The following DDX43 variants were observed in gnomAD, a reference collection of about 807,000 sequenced individuals.
The protein encoded by DDX43 is DEAD-box helicase 43.
In DDX43, 50 loss-of-function variants were observed where a neutral mutation model predicts 84.9. That is an observed-to-expected ratio of 0.59 (90% confidence interval 0.47 to 0.75). The LOEUF is 0.75. DDX43 is among the 30% of genes least tolerant of loss of function. The probability of loss-of-function intolerance (pLI) is 0.00; values close to 1 mark genes in which losing one functional copy is unlikely to be tolerated. For synonymous variants in DDX43, 291 were observed against 266.3 expected (o/e 1.09, Z -0.90); for missense variants, 689 against 798.6 (o/e 0.86, Z 1.65).
rs546574050 is a variant in DDX43, at chr6:73,415,300, A to AAAAT, written c.1746-174_1746-171dup. ...GCAACAGTGCAAGACTCCATCTCAA[A>AAAAT]AAATAAATAAATAAATAAATAAATA... On this transcript the variant is annotated intron_variant, in intron 14 of 16. Coordinates refer to ENST00000370336, the MANE Select transcript of DDX43 (RefSeq NM_018665.3). Among the ~76,000 whole-genome samples, 191 of 152,126 alleles carry AAAAT rather than the reference A, an allele frequency of 1.3e-3. 1 individual carries two copies. Among genetic ancestry groups the AAAAT allele is most frequent in the Middle Eastern group, 6.8e-3 (2 of 294 alleles).
Position 73,395,104 on chromosome 6 carries a change from G to C in DDX43, c.199G>C (p.Glu67Gln). The C allele has an allele frequency of 1.2e-6, 2 of 1,614,152 alleles. No homozygotes were observed. Reference sequence around the variant, plus strand: ...GGAGGCCGTGGCCGCTGGTCACGAGGAACTGCCGCTGTGTTTTGCTTTGAA... The same window carrying C: ...GGAGGCCGTGGCCGCTGGTCACGAGCAACTGCCGCTGTGTTTTGCTTTGAA... ...PPEAVAAGHE[E>Q]LPLCFALKSH... is the part of the protein sequence containing the mutation. The change falls in exon 1 of 17, where the codon GAA becomes CAA. Residue 67 changes from glutamate (E) to glutamine (Q), a missense_variant. Transcript: ENST00000370336.
chr6:73,415,634 C>T, intron 15 of DDX43, 50 bp downstream of exon 15: 1 of 1,349,224 alleles, frequency 7.4e-7, no homozygotes. Context: ...GTATCTCAGT[C>T]AGTTATGCCG....
Position 73,395,028 on chromosome 6 carries a change from G to C in DDX43, c.123G>C (p.Glu41Asp). 6.2e-7 allele frequency: 1 copy of C among 1,614,270 alleles called. No individual in the cohort carries two copies. The highest frequency in any genetic ancestry group is 1.3e-5 in the African/African-American group (1 of 75,078). ...AGGAGTTGAATCGAACAGGTCCTGA[G>C]GGATATAGTGTCGGCAGAGGTGGTC... is the stretch of plus-strand genomic sequence containing the variant. ...PAEELNRTGPEGYSVGRGGRW... is the reference protein window; with the variant it reads ...PAEELNRTGPDGYSVGRGGRW... Residue 41 changes from glutamate to aspartate, a missense_variant, in exon 1 of 17, where the codon GAG becomes GAC. By Grantham distance (45) the Glu-to-Asp change is conservative. This residue lies in a region of DDX43 where 137 missense variants were observed against 105.9 expected (regional missense o/e 1.29). Transcript: ENST00000370336.
In DDX43 at chr6:73,412,296, A is replaced by G; in HGVS notation, c.1368+4A>G. On this transcript the variant is annotated splice_donor_region_variant and intron_variant, in intron 11 of 16. Coordinates refer to ENST00000370336, the MANE Select transcript of DDX43 (RefSeq NM_018665.3). ...TGTTGGTACATTGGATCTAGTTGTAAGCTTTTTTTTATTACTATTGTTTAA... is the reference window on the plus strand; with the variant it reads ...TGTTGGTACATTGGATCTAGTTGTAGGCTTTTTTTTATTACTATTGTTTAA... 1 of 1,602,878 alleles carries G rather than the reference A, an allele frequency of 6.2e-7. No individual in the cohort carries two copies. Among genetic ancestry groups the G allele is most frequent in the Non-Finnish European group, 8.5e-7 (1 of 1,175,678 alleles).
intron 11 of DDX43, among the ~76,000 whole-genome samples, chr6:73,412,638 A>T (rs1431939825): frequency 1.2e-4 from 7 of 59,700 alleles, no homozygotes; most frequent in African/African-American, 3.3e-4. Flanking sequence ...ATATATATAT[A>T]GTGTGTGTGT....
intron 1 of DDX43, among the ~76,000 whole-genome samples, chr6:73,396,838 C>T (rs760528060): frequency 2.6e-5 from 4 of 152,150 alleles, no homozygotes; most frequent in Non-Finnish European, 4.4e-5. Flanking sequence ...TTGTAATTGG[C>T]TCATTTCTCT....
At chr6:73,404,482 G>T (rs1272717147) in intron 4 of DDX43, among the ~76,000 whole-genome samples, 1 of 152,208 alleles carries the variant, frequency 6.6e-6, no homozygotes, top group Non-Finnish European at 1.5e-5. Context: ...GCCTCTCAAA[G>T]TGCTGGGATT....
rs74629790 is a variant in DDX43 at position 73,412,369 on chromosome 6, C to G, written c.1368+77C>G. ...GATAGCTAATTTTGGTGTGCCTAGTCTGCCCACTCCCCAATTTTAGGGCAA... is the reference window on the plus strand; with the variant it reads ...GATAGCTAATTTTGGTGTGCCTAGTGTGCCCACTCCCCAATTTTAGGGCAA... On this transcript the variant is annotated intron_variant, in intron 11 of 16. Transcript: ENST00000370336. 0.02 allele frequency: 22,366 copies of G among 1,138,452 alleles called. 2,011 individuals carry two copies. In the Admixed American group the frequency reaches 0.21, roughly 11 times the overall value. The allele number at this position is 1,138,452 out of a possible 1,614,324, so 70.5% of individuals were successfully genotyped here. A position where few individuals can be genotyped will look rare whatever the true frequency, so the allele number is the denominator to read the frequency against.
At chr6:73,412,729 G>A (rs774455761) in intron 11 of DDX43, among the ~76,000 whole-genome samples, 2 of 5,024 alleles carry the variant, frequency 4.0e-4, no homozygotes, top group South Asian at 4.9e-3. Context: ...GATATATAGC[G>A]TGTGTGTGTG....
chr6:73,408,249 A>C, intron 9 of DDX43, 148 bp downstream of exon 9: 2 of 684,380 alleles, frequency 2.9e-6, no homozygotes, highest in Non-Finnish European at 4.8e-6. Flanking sequence ...AACCTGACCA[A>C]TATGATGAAA....
chr6:73,395,380 G>T (rs950760948), intron 1 of DDX43, among the ~76,000 whole-genome samples: 2 of 152,108 alleles, frequency 1.3e-5, no homozygotes, highest in Non-Finnish European at 2.9e-5. Flanking sequence ...CGAGGCGGGC[G>T]GATCACCCCA....
At chr6:73,400,472 A>T in intron 3 of DDX43, 109 bp downstream of exon 3, 1 of 1,029,720 alleles carries the variant, frequency 9.7e-7, no homozygotes, top group Non-Finnish European at 1.3e-6. Flanking sequence ...AGGCTGCCAT[A>T]AATGCAGTCT....
chr6:73,409,836 G>A (rs1769752348), intron 10 of DDX43, among the ~76,000 whole-genome samples: 1 of 152,116 alleles, frequency 6.6e-6, no homozygotes, highest in Non-Finnish European at 1.5e-5. Context: ...TTTGAGGCCA[G>A]CCTGGCCAAC....
At chr6:73,402,597 T>C (rs1357478094) in intron 4 of DDX43, among the ~76,000 whole-genome samples, 1 of 152,112 alleles carries the variant, frequency 6.6e-6, no homozygotes, top group African/African-American at 2.4e-5. Flanking sequence ...TTTTATTTTT[T>C]GAGGTAGGGT....
Position 73,397,677 on chromosome 6 carries a change from T to C in DDX43, c.251-12T>C, listed in dbSNP as rs760646488. On this transcript the variant is annotated splice_polypyrimidine_tract_variant and intron_variant, in intron 1 of 16. Coordinates refer to ENST00000370336, the MANE Select transcript of DDX43 (RefSeq NM_018665.3). ...AACTTATAACAATATATTCCTTTAT[T>C]TTTAAAAACAGGTCGTGGTGGGTCA... 1.2e-6 allele frequency: 2 copies of C among 1,602,414 alleles called. No homozygotes were observed. Among genetic ancestry groups the C allele is most frequent in the Non-Finnish European group, 1.7e-6 (2 of 1,169,746 alleles).
chr6:73,413,827 T>A, intron 12 of DDX43, 42 bp downstream of exon 12: 1 of 1,588,028 alleles, frequency 6.3e-7, no homozygotes, highest in Non-Finnish European at 8.6e-7. Flanking sequence ...TTAATTAAAT[T>A]GATTAGGATC....
intron 8 of DDX43, 79 bp from the exon 9 acceptor site, chr6:73,407,881 T>G (rs1769713397): frequency 1.4e-5 from 19 of 1,394,414 alleles, no homozygotes; most frequent in Non-Finnish European, 1.9e-5. Context: ...TAATTGATTT[T>G]TATCCCTTTT....
intron 2 of DDX43, among the ~76,000 whole-genome samples, chr6:73,398,625 A>G (rs946887121): frequency 3.3e-5 from 5 of 152,176 alleles, no homozygotes; most frequent in African/African-American, 1.2e-4. Context: ...AAATCGTTAG[A>G]GATAATCTGC....
At position 73,401,921 on chromosome 6, in the gene DDX43, G is replaced by C. The variant is rs745911211; in HGVS notation, c.499G>C (p.Asp167His). 2 of 1,614,020 alleles carry C rather than the reference G, an allele frequency of 1.2e-6. No homozygotes were observed. Residue 167 changes from aspartate to histidine, a missense_variant, in exon 4 of 17, where the codon GAT becomes CAT. By Grantham distance (81) the Asp-to-His change is moderately conservative. Around this residue, in one of 2 missense-constraint regions of DDX43, gnomAD observed 552 missense variants for 692.7 expected, o/e 0.80. Coordinates refer to ENST00000370336, the MANE Select transcript of DDX43 (RefSeq NM_018665.3). ...GSTDNNVVAGDRPLIDWDQIR... is the reference protein window; with the variant it reads ...GSTDNNVVAGHRPLIDWDQIR... Reference sequence around the variant, plus strand: ...CACAGATAACAATGTTGTTGCAGGAGATCGGCCATTGATAGATTGGGATCA... The same window carrying C: ...CACAGATAACAATGTTGTTGCAGGACATCGGCCATTGATAGATTGGGATCA...
Sources: allele counts gnomAD v4.1 joint callset (sites outside exome capture counted in the v4.1 genomes callset), GRCh38; gene constraint gnomAD v4.1.1; regional missense constraint gnomAD v4.1.1; transcripts MANE v1.5; gene names NCBI Gene and HGNC (gene_info 2026-07-23, HGNC 2026-07-21).